The following TVP23B variants were observed in gnomAD, a reference collection of about 807,000 sequenced individuals.
TVP23B encodes Golgi apparatus membrane protein TVP23 homolog B.
Under a neutral mutation model 30.6 loss-of-function variants are expected in TVP23B, and 10 were observed. The ratio of observed to expected loss-of-function variants is 0.33; its 90% CI spans 0.20 to 0.55. The LOEUF (loss-of-function observed/expected upper bound fraction) is 0.55, where lower values mean the gene tolerates loss of function less well. Ranked by LOEUF, TVP23B falls within the 20% of genes least tolerant of loss-of-function variation. The pLI is 0.91. For missense variants in TVP23B, 153 were observed against 243.2 expected (o/e 0.63, Z 2.47); for synonymous variants, 67 against 83.1 (o/e 0.81, Z 1.06).
Position 18,793,235 on chromosome 17 carries a change from A to G in TVP23B, c.240+2195A>G, listed in dbSNP as rs946094371. Among the ~76,000 whole-genome samples, 8 of 152,202 alleles carry G rather than the reference A, an allele frequency of 5.3e-5. 1 individual carries two copies. The highest frequency in any genetic ancestry group is 1.9e-4 in the African/African-American group (8 of 41,524). On this transcript the variant is annotated intron_variant, in intron 3 of 6. Coordinates refer to ENST00000307767, the MANE Select transcript of TVP23B (RefSeq NM_016078.6). ...TAATTTAAAGGTATGCTTAAATGCT[A>G]AAGCTTATATTGGTTTTTATTTTAT...
chr17:18,795,276 G>T (rs2036061001), intron 3 of TVP23B, among the ~76,000 whole-genome samples: 1 of 151,848 alleles, frequency 6.6e-6, no homozygotes, highest in African/African-American at 2.4e-5. Context: ...TGCCTGGCCA[G>T]GCAACTTATA....
At chr17:18,802,094 C>A (rs1356093429) in intron 5 of TVP23B, among the ~76,000 whole-genome samples, 1 of 152,038 alleles carries the variant, frequency 6.6e-6, no homozygotes, top group Admixed American at 6.5e-5. Flanking sequence ...TGGTGGCAGG[C>A]ACCTGTAGTC....
intron 5 of TVP23B, among the ~76,000 whole-genome samples, chr17:18,803,853 TC>T (rs1165654491): frequency 6.6e-6 from 1 of 152,010 alleles, no homozygotes; most frequent in Non-Finnish European, 1.5e-5. Context: ...GCAAGAAGGC[TC>T]CCCCTGCACT....
chr17:18,802,649 G>A lies in TVP23B; in HGVS notation c.463-1489G>A, dbSNP rs1470833126. 3.3e-5 allele frequency among the ~76,000 whole-genome samples: 5 copies of A among 152,262 alleles called. No individual in the cohort carries two copies. In the East Asian group the frequency reaches 9.6e-4, roughly 29 times the overall value. On this transcript the variant is annotated intron_variant, in intron 5 of 6. Transcript: ENST00000307767. Reference sequence around the variant, plus strand: ...TATGTTTGTTGGTATTAGTTTATTTGTGTTTTTAAAAATGCTGTTTGCTGT... The same window carrying A: ...TATGTTTGTTGGTATTAGTTTATTTATGTTTTTAAAAATGCTGTTTGCTGT...
intron 5 of TVP23B, among the ~76,000 whole-genome samples, chr17:18,802,298 C>G (rs1318071168): frequency 1.3e-5 from 2 of 152,164 alleles, no homozygotes; most frequent in Admixed American, 6.5e-5. Flanking sequence ...CCCAGTCTCT[C>G]CATGAGTCTC....
In TVP23B at chr17:18,781,263, C is replaced by T; in HGVS notation, c.-31C>T. 1 of 1,563,998 alleles carries T rather than the reference C, an allele frequency of 6.4e-7. No individual in the cohort carries two copies. Among genetic ancestry groups the T allele is most frequent in the Non-Finnish European group, 8.7e-7 (1 of 1,155,160 alleles). ...CCCGTACGCTGCTGCGCTGACGTGGCTCCCGGAAGTAGGGCTGGCGTAGGG... is the reference window on the plus strand; with the variant it reads ...CCCGTACGCTGCTGCGCTGACGTGGTTCCCGGAAGTAGGGCTGGCGTAGGG... On this transcript the variant is annotated 5_prime_UTR_variant, in exon 1 of 7. Transcript: ENST00000307767.
Position 18,806,235 on chromosome 17 carries a change from T to G in TVP23B, c.*668T>G, listed in dbSNP as rs1446787616. On this transcript the variant is annotated 3_prime_UTR_variant, in exon 7 of 7. Transcript: ENST00000307767. Reference sequence around the variant, plus strand: ...CATAGTTTAAGGAATACCCAGAGATTGCTGCTGTTCTATTTATTTTACAGA... The same window carrying G: ...CATAGTTTAAGGAATACCCAGAGATGGCTGCTGTTCTATTTATTTTACAGA... The G allele has an allele frequency of 1.1e-6, 1 of 951,108 alleles. No individual in the cohort carries two copies. Among genetic ancestry groups the G allele is most frequent in the Admixed American group, 6.2e-5 (1 of 16,226 alleles). The allele number at this position is 951,108 out of a possible 1,614,324, so 58.9% of individuals were successfully genotyped here.
chr17:18,784,248 T>A (rs760173148), intron 1 of TVP23B, among the ~76,000 whole-genome samples: 1 of 152,238 alleles, frequency 6.6e-6, no homozygotes, highest in African/African-American at 2.4e-5. Context: ...ATGCTTGTCT[T>A]TTAATTCTTC....
chr17:18,797,401 A>G lies in TVP23B; in HGVS notation c.241-178A>G, dbSNP rs2036092331. 2.3e-6 allele frequency: 3 copies of G among 1,298,128 alleles called. No individual in the cohort carries two copies. In the South Asian group the frequency reaches 4.5e-5, roughly 19 times the overall value. 80.4% of individuals were successfully genotyped at this position (1,298,128 alleles called of 1,614,324 possible). A position where few individuals can be genotyped will look rare whatever the true frequency, so the allele number is the denominator to read the frequency against. On this transcript the variant is annotated intron_variant, in intron 3 of 6. Transcript: ENST00000307767. ...CACCTCTACCCCTATTAGTCCTGCC[A>G]TTACCATTTTACTTAATCACTTAGC...
intron 3 of TVP23B, among the ~76,000 whole-genome samples, chr17:18,794,854 C>T (rs528001982): frequency 6.6e-6 from 1 of 151,142 alleles, no homozygotes; most frequent in African/African-American, 2.4e-5. Flanking sequence ...CCTGTATTCC[C>T]TTCCTAAGGA....
intron 5 of TVP23B, among the ~76,000 whole-genome samples, chr17:18,799,542 A>T (rs974489467): frequency 1.3e-5 from 2 of 152,308 alleles, no homozygotes; most frequent in East Asian, 3.9e-4. Context: ...ATGTCATAGC[A>T]TCGCTTCTGC....
chr17:18,781,206 T>G lies in TVP23B; in HGVS notation c.-88T>G. The G allele has an allele frequency of 6.5e-7, 1 of 1,540,458 alleles. No individual in the cohort carries two copies. Among genetic ancestry groups the G allele is most frequent in the Non-Finnish European group, 8.8e-7 (1 of 1,141,854 alleles). On this transcript the variant is annotated 5_prime_UTR_variant, in exon 1 of 7. Transcript: ENST00000307767. ...CTCTTACAGTGGTCCCTGCTGGCCC[T>G]TGGTGACGGGTCGCCTCAGTTCCGA...
At chr17:18,794,741 A>G (rs1250319761) in intron 3 of TVP23B, among the ~76,000 whole-genome samples, 1 of 151,792 alleles carries the variant, frequency 6.6e-6, no homozygotes, top group African/African-American at 2.4e-5. Context: ...TACCTATAGA[A>G]GAGACCTCTG....
intron 3 of TVP23B, among the ~76,000 whole-genome samples, chr17:18,791,742 G>A (rs531641401): frequency 6.6e-6 from 1 of 152,244 alleles, no homozygotes; most frequent in East Asian, 1.9e-4. Flanking sequence ...AGAAAGAAGT[G>A]TAAGAAATGG....
At chr17:18,793,098 C>T (rs1298043770) in intron 3 of TVP23B, among the ~76,000 whole-genome samples, 80 of 152,154 alleles carry the variant, frequency 5.3e-4, no homozygotes, top group African/African-American at 1.8e-3. Context: ...CAAATTTCTC[C>T]TGGGCCGCAT....
At position 18,804,209 on chromosome 17, in the gene TVP23B, C is replaced by T; in HGVS notation, c.534C>T (p.Ser178=). ...GTTACATCAGGTGTAAGGTGCGCAG[C>T]AGAAAGCATTTAACCAGCATGGCTA... is the stretch of plus-strand genomic sequence containing the variant. The part of the protein sequence containing the change: ...LYGYIRCKVR[S]RKHLTSMATS... Residue 178 remains serine (S), a synonymous_variant, in exon 6 of 7, where the codon AGC becomes AGT. Transcript: ENST00000307767. The T allele has an allele frequency of 6.2e-7, 1 of 1,610,888 alleles. No individual in the cohort carries two copies. Among genetic ancestry groups the T allele is most frequent in the South Asian group, 1.1e-5 (1 of 90,480 alleles).
intron 2 of TVP23B, among the ~76,000 whole-genome samples, chr17:18,790,661 A>T (rs1299014542): frequency 6.6e-6 from 1 of 152,166 alleles, no homozygotes; most frequent in Admixed American, 6.5e-5. Flanking sequence ...TTTATATTCA[A>T]TGAGGTGTTA....
chr17:18,795,989 C>A (rs1263829935), intron 3 of TVP23B: 2 of 149,302 alleles, frequency 1.3e-5, no homozygotes, highest in Non-Finnish European at 3.0e-5. Context: ...TGGAATGTAT[C>A]CCCTGCAGAT....
intron 3 of TVP23B, among the ~76,000 whole-genome samples, chr17:18,794,688 A>G (rs903680551): frequency 6.6e-6 from 1 of 152,190 alleles, no homozygotes; most frequent in Non-Finnish European, 1.5e-5. Flanking sequence ...GAAAATGGGA[A>G]CACAGAAGAG....
Sources: allele counts gnomAD v4.1 joint callset (sites outside exome capture counted in the v4.1 genomes callset), GRCh38; gene constraint gnomAD v4.1.1; transcripts MANE v1.5; gene names NCBI Gene and HGNC (gene_info 2026-07-23, HGNC 2026-07-21).